OTOGL: variants seen among roughly 807,000 people sequenced by gnomAD.
OTOGL encodes otogelin-like protein.
In OTOGL, 285 loss-of-function variants were observed where a neutral mutation model predicts 318.5. The observed-to-expected ratio is 0.89, with a 90% CI of 0.81 to 0.99. The LOEUF (loss-of-function observed/expected upper bound fraction) is 0.99, where lower values mean the gene tolerates loss of function less well. Ranked by LOEUF, OTOGL falls within the 50% of genes least tolerant of loss-of-function variation. The pLI is 0.00. For synonymous variants in OTOGL, 987 were observed against 936.5 expected (o/e 1.05, Z -0.99); for missense variants, 2,899 against 2,845.6 (o/e 1.02, Z -0.43).
intron 1 of OTOGL, among the ~76,000 whole-genome samples, chr12:80,188,321 C>T (rs532588958): frequency 3.7e-4 from 56 of 151,970 alleles, no homozygotes; most frequent in Non-Finnish European, 8.1e-4. Context: ...GGGCAGATCA[C>T]GAGGTCAGGA....
At chr12:80,233,175 G>T in intron 9 of OTOGL, 78 bp downstream of exon 9, 1 of 1,329,946 alleles carries the variant, frequency 7.5e-7, no homozygotes, top group East Asian at 2.5e-5. Flanking sequence ...GTACCCAGAA[G>T]ACTTGTCATA....
At chr12:80,254,934 G>C (rs1334659738) in intron 15 of OTOGL, 106 bp from the exon 16 acceptor site, 2 of 970,602 alleles carry the variant, frequency 2.1e-6, no homozygotes, top group Non-Finnish European at 2.8e-6. Context: ...TTTACCCTAA[G>C]TTGATCTGCT....
At chr12:80,356,042 T>G in intron 47 of OTOGL, 94 bp downstream of exon 47, 2 of 1,323,084 alleles carry the variant, frequency 1.5e-6, no homozygotes, top group African/African-American at 2.9e-5. Flanking sequence ...TTTGTATTTT[T>G]AAAAAAGGGC....
rs368016758 is a variant in OTOGL at position 80,257,831 on chromosome 12, T to C, written c.1718T>C (p.Val573Ala). The C allele has an allele frequency of 6.4e-7, 1 of 1,574,362 alleles. No homozygotes were observed. ...GTATGTTCTTTTCCTGCAGGTATTG[T>C]TGAAATTCAAACTCTGTCATCCTTA... is the stretch of plus-strand genomic sequence containing the variant. ...PNQGFNLNGI[V>A]EIQTLSSLFI... The change falls in exon 18 of 59, where the codon GTT becomes GCT. Residue 573 changes from valine to alanine, a missense_variant. Val to Ala is a moderately conservative substitution (Grantham distance 64). Around this residue, in one of 3 missense-constraint regions of OTOGL, gnomAD observed 2,607 missense variants for 2,524.9 expected, o/e 1.03. Coordinates refer to ENST00000547103, the MANE Select transcript of OTOGL (RefSeq NM_001378609.3).
chr12:80,104,150 G>A (rs535761718), intron 1 of OTOGL, among the ~76,000 whole-genome samples: 1 of 152,292 alleles, frequency 6.6e-6, no homozygotes, highest in Non-Finnish European at 1.5e-5. Flanking sequence ...TATGAGGCAA[G>A]GAACCTACTC....
At chr12:80,239,299 C>T in intron 10 of OTOGL, 34 bp from the exon 11 acceptor site, 1 of 1,441,460 alleles carries the variant, frequency 6.9e-7, no homozygotes, top group African/African-American at 1.4e-5. Context: ...TACCATGAAA[C>T]ATAGTCTAGT....
At chr12:80,244,566 A>G (rs2137457442) in intron 11 of OTOGL, among the ~76,000 whole-genome samples, 1 of 148,512 alleles carries the variant, frequency 6.7e-6, no homozygotes, top group Admixed American at 6.6e-5. Flanking sequence ...AATCCAGTCT[A>G]TCATTGTTGG....
intron 44 of OTOGL, among the ~76,000 whole-genome samples, chr12:80,346,113 C>T (rs1169741074): frequency 6.6e-6 from 1 of 152,086 alleles, no homozygotes; most frequent in Non-Finnish European, 1.5e-5. Flanking sequence ...TACCAAAGTG[C>T]CCATTAATCC....
chr12:80,112,923 C>G (rs1186748731), intron 1 of OTOGL, among the ~76,000 whole-genome samples: 1 of 152,122 alleles, frequency 6.6e-6, no homozygotes, highest in Non-Finnish European at 1.5e-5. Context: ...ATTACTGTCT[C>G]AATTTCAGAA....
chr12:80,204,405 G>A (rs984105060), intron 1 of OTOGL, among the ~76,000 whole-genome samples: 1 of 152,080 alleles, frequency 6.6e-6, no homozygotes, highest in Non-Finnish European at 1.5e-5. Context: ...ATCCAATCAC[G>A]ACATTTTGGG....
At chr12:80,212,395 T>G (rs1293651354) in intron 4 of OTOGL, among the ~76,000 whole-genome samples, 2 of 152,156 alleles carry the variant, frequency 1.3e-5, no homozygotes, top group Admixed American at 6.5e-5. Flanking sequence ...AGTTAAATAC[T>G]GCAAAAGGGC....
intron 1 of OTOGL, among the ~76,000 whole-genome samples, chr12:80,190,577 G>A (rs1335841649): frequency 6.6e-6 from 1 of 151,838 alleles, no homozygotes; most frequent in African/African-American, 2.4e-5. Flanking sequence ...CACGAGGTCA[G>A]GAGATCGAGA....
chr12:80,232,850 C>CCTTTTTT, intron 8 of OTOGL, 42 bp from the exon 9 acceptor site: 1 of 1,488,168 alleles, frequency 6.7e-7, no homozygotes. Context: ...GTAATTGAGA[C>CCTTTTTT]TTTATCATCA....
At chr12:80,238,125 G>T (rs1483602664) in intron 9 of OTOGL, among the ~76,000 whole-genome samples, 1 of 152,198 alleles carries the variant, frequency 6.6e-6, no homozygotes, top group Non-Finnish European at 1.5e-5. Context: ...GCACTCTGTT[G>T]AGTCAGAGCA....
chr12:80,262,617 T>G (rs1367935905), intron 19 of OTOGL, among the ~76,000 whole-genome samples: 1 of 152,050 alleles, frequency 6.6e-6, no homozygotes, highest in Non-Finnish European at 1.5e-5. Context: ...TGCTCCAGAG[T>G]TCCAATTTGC....
rs1223833874 is a variant in OTOGL, at chr12:80,254,559, A to G, written c.1430A>G (p.Gln477Arg). ...GGTGGAGTTTGGAACTGCACTGAGC[A>G]AGACTGTCCAGGTAATTTTTTAAAA... is the stretch of plus-strand genomic sequence containing the variant. Reference protein sequence around the residue: ...CVGGVWNCTEQDCPVQCSVVG... With the variant: ...CVGGVWNCTERDCPVQCSVVG... Residue 477 changes from glutamine (Q) to arginine (R), a missense_variant, in exon 15 of 59, where the codon CAA becomes CGA. Physicochemically the swap from Gln to Arg is conservative, Grantham distance 43 (BLOSUM62 1). This residue lies in a region of OTOGL where 2,607 missense variants were observed against 2,524.9 expected (regional missense o/e 1.03). Transcript: ENST00000547103. 6.2e-7 allele frequency: 1 copy of G among 1,606,614 alleles called. No homozygotes were observed. Among genetic ancestry groups the G allele is most frequent in the African/African-American group, 1.3e-5 (1 of 74,868 alleles).
intron 1 of OTOGL, among the ~76,000 whole-genome samples, chr12:80,177,875 T>C (rs1874632481): frequency 1.3e-5 from 2 of 152,234 alleles, no homozygotes; most frequent in East Asian, 1.9e-4. Context: ...GCTAATTTTC[T>C]CCACTACTGC....
At chr12:80,254,362 GATTTTATTT>G (rs974231552) in intron 14 of OTOGL, among the ~76,000 whole-genome samples, 153 bp from the exon 15 acceptor site, 7 of 79,350 alleles carry the variant, frequency 8.8e-5, no homozygotes, top group Admixed American at 8.8e-4. Flanking sequence ...ATTATTTATT[GATTTTATTT>G]ATTTTATTTT....
At chr12:80,338,823 T>C (rs1027463052) in intron 42 of OTOGL, among the ~76,000 whole-genome samples, 50 of 151,898 alleles carry the variant, frequency 3.3e-4, no homozygotes, top group Non-Finnish European at 7.2e-4. Context: ...GTACATAACA[T>C]AGAAGAAAGT....
Sources: allele counts gnomAD v4.1 joint callset (sites outside exome capture counted in the v4.1 genomes callset), GRCh38; gene constraint gnomAD v4.1.1; regional missense constraint gnomAD v4.1.1; transcripts MANE v1.5; gene names NCBI Gene and HGNC (gene_info 2026-07-23, HGNC 2026-07-21).